The following MIA3 variants were observed in gnomAD, a reference collection of about 807,000 sequenced individuals.
MIA3 encodes MIA SH3 domain ER export factor 3, also known as transport and Golgi organization protein 1 homolog.
A neutral mutation model predicts 192.4 loss-of-function variants in MIA3; 90 were observed. That is an observed-to-expected ratio of 0.47 (90% CI 0.39 to 0.56). MIA3 has a LOEUF of 0.56. Ranked by LOEUF, MIA3 falls within the 20% of genes least tolerant of loss-of-function variation. MIA3 has a pLI of 0.00. For synonymous variants in MIA3, 740 were observed against 792.8 expected (o/e 0.93, Z 1.12); for missense variants, 2,123 against 2,269.4 (o/e 0.94, Z 1.31).
Position 222,632,208 on chromosome 1 carries a change from A to C in MIA3, c.3213A>C (p.Thr1071=). The change falls in exon 5 of 28, where the codon ACA becomes ACC. Residue 1071 remains threonine, a synonymous_variant. Coordinates refer to ENST00000344922, the MANE Select transcript of MIA3 (RefSeq NM_198551.4). ...AAGATAATTTCTCACGAGAGAAGAC[A>C]GCAGAACTTAATGTGCAGGTTCCTG... ...LHEDNFSREK[T]AELNVQVPEE... 2 of 1,614,202 alleles carry C rather than the reference A, an allele frequency of 1.2e-6. No individual in the cohort carries two copies. The highest frequency in any genetic ancestry group is 1.7e-6 in the Non-Finnish European group (2 of 1,180,022).
intron 18 of MIA3, among the ~76,000 whole-genome samples, chr1:222,657,310 A>C (rs1663784181): frequency 6.6e-6 from 1 of 152,176 alleles, no homozygotes; most frequent in Non-Finnish European, 1.5e-5. Context: ...GGCTTTTACT[A>C]GGGGTCCTTC....
intron 1 of MIA3, among the ~76,000 whole-genome samples, chr1:222,620,573 C>G (rs1024346477): frequency 1.1e-4 from 16 of 152,204 alleles, no homozygotes; most frequent in Admixed American, 9.8e-4. Flanking sequence ...TATCCAGACA[C>G]TGTACTAAGG....
chr1:222,658,656 G>A (rs1156811666), intron 18 of MIA3, 66 bp from the exon 19 acceptor site: 1 of 1,056,348 alleles, frequency 9.5e-7, no homozygotes, highest in Non-Finnish European at 1.4e-6. Context: ...GATTTTATTG[G>A]AGTATTCAGA....
rs541871532 is a variant in MIA3 at position 222,644,035 on chromosome 1, G to A, written c.3478-1519G>A. On this transcript the variant is annotated intron_variant, in intron 6 of 27. Coordinates refer to ENST00000344922, the MANE Select transcript of MIA3 (RefSeq NM_198551.4). Reference sequence around the variant, plus strand: ...GGAAGGGCCAGCTCCGGGCCGGCACGAGAGACCTGCTTTTCTCCTTTTCCC... The same window carrying A: ...GGAAGGGCCAGCTCCGGGCCGGCACAAGAGACCTGCTTTTCTCCTTTTCCC... 5.9e-5 allele frequency among the ~76,000 whole-genome samples: 9 copies of A among 152,336 alleles called. No homozygotes were observed. In the East Asian group the frequency reaches 1.7e-3, roughly 29 times the overall value.
chr1:222,641,825 G>A (rs1208779483), intron 6 of MIA3: 1 of 531,822 alleles, frequency 1.9e-6, no homozygotes, highest in Non-Finnish European at 3.8e-6. Context: ...AGCATTTCTA[G>A]CTGCGGCAGA....
chr1:222,660,269 C>T lies in MIA3; in HGVS notation c.5068C>T (p.Leu1690Phe). The T allele has an allele frequency of 6.2e-7, 1 of 1,613,990 alleles. No homozygotes were observed. Among genetic ancestry groups the T allele is most frequent in the South Asian group, 1.1e-5 (1 of 91,064 alleles). ...GACAGTGGAGCCACCCGTGAGACCT[C>T]TCTCTGCTACTCTCAATCGAAGAGA... ...PLTVEPPVRPLSATLNRRDMP... is the reference protein window; with the variant it reads ...PLTVEPPVRPFSATLNRRDMP... The change falls in exon 24 of 28, where the codon CTC becomes TTC. Residue 1690 changes from leucine (L) to phenylalanine (F), a missense_variant. Leu to Phe is a conservative substitution (Grantham distance 22, BLOSUM62 0). Transcript: ENST00000344922.
intron 6 of MIA3, among the ~76,000 whole-genome samples, chr1:222,643,761 TC>T (rs544553515): frequency 7.3e-4 from 111 of 151,634 alleles, no homozygotes; most frequent in African/African-American, 2.6e-3. Context: ...GGAGACTCCC[TC>T]CCCTTCCCCG....
rs978542294 is a variant in MIA3 at position 222,665,883 on chromosome 1, A to G, written c.*264A>G. 1.5e-5 allele frequency: 5 copies of G among 323,080 alleles called. No homozygotes were observed. Among genetic ancestry groups the G allele is most frequent in the East Asian group, 5.0e-5 (1 of 19,822 alleles). The allele number at this position is 323,080 out of a possible 1,614,324, so 20.0% of individuals were successfully genotyped here. On this transcript the variant is annotated 3_prime_UTR_variant, in exon 28 of 28. Coordinates refer to ENST00000344922, the MANE Select transcript of MIA3 (RefSeq NM_198551.4). ...ATACCTGTGTTTTAGCTAATGTAGC[A>G]TATGTAATTGCAAAATGATTTAGAA...
intron 4 of MIA3, 79 bp from the exon 5 acceptor site, chr1:222,632,086 C>G: frequency 7.4e-7 from 1 of 1,356,146 alleles, no homozygotes; most frequent in Non-Finnish European, 1.0e-6. Context: ...TGTTGAGGTG[C>G]CCTGGTGTGG....
rs1664318249 is a variant in MIA3 at position 222,666,905 on chromosome 1, A to C, written c.*1286A>C. 6.6e-6 allele frequency: 1 copy of C among 151,960 alleles called. No individual in the cohort carries two copies. The highest frequency in any genetic ancestry group is 1.5e-5 in the Non-Finnish European group (1 of 67,976). The allele number at this position is 151,960 out of a possible 1,614,324, so 9.4% of individuals were successfully genotyped here. ...TTCAGACATTTTAATTACAGTAATA[A>C]TAGCACTCCTTTTAAGGAGTTTCAG... On this transcript the variant is annotated 3_prime_UTR_variant, in exon 28 of 28. Coordinates refer to ENST00000344922, the MANE Select transcript of MIA3 (RefSeq NM_198551.4).
At chr1:222,644,912 G>A (rs530591584) in intron 6 of MIA3, among the ~76,000 whole-genome samples, 2 of 152,264 alleles carry the variant, frequency 1.3e-5, no homozygotes, top group African/African-American at 4.8e-5. Flanking sequence ...CAGTGTGATA[G>A]TGTACTTGTA....
rs760691540 is a variant in MIA3, at chr1:222,654,454, C to G, written c.4443C>G (p.Ser1481=). 1 of 1,613,358 alleles carries G rather than the reference C, an allele frequency of 6.2e-7. No individual in the cohort carries two copies. ...TTTTACAGCTTAAGCTAAGAGCCTC[C>G]GTGTCCACTAAATGTAACCTGGAAG... is the stretch of plus-strand genomic sequence containing the variant. ...LKLLQLKLRA[S]VSTKCNLEDQ... Residue 1481 remains serine, a synonymous_variant, in exon 17 of 28, where the codon TCC becomes TCG. Coordinates refer to ENST00000344922, the MANE Select transcript of MIA3 (RefSeq NM_198551.4).
intron 6 of MIA3, among the ~76,000 whole-genome samples, chr1:222,637,684 ATTT>A (rs112135138): frequency 1.4e-4 from 11 of 76,380 alleles, no homozygotes; most frequent in Admixed American, 4.8e-4. Context: ...ATCAAGAATA[ATTT>A]TTTTTTTTTT....
intron 7 of MIA3, among the ~76,000 whole-genome samples, chr1:222,648,465 A>T (rs1039020704): frequency 2.0e-5 from 3 of 152,202 alleles, no homozygotes; most frequent in Non-Finnish European, 4.4e-5. Context: ...TTGTCAAATA[A>T]GTGACTTTGA....
rs1662427470 is a variant in MIA3 at position 222,632,202 on chromosome 1, G to C, written c.3207G>C (p.Glu1069Asp). The stretch of plus-strand genomic sequence containing the variant: ...TGCATGAAGATAATTTCTCACGAGA[G>C]AAGACAGCAGAACTTAATGTGCAGG... ...QPLHEDNFSR[E>D]KTAELNVQVP... The change falls in exon 5 of 28, where the codon GAG becomes GAC. Residue 1069 changes from glutamate to aspartate, a missense_variant. Physicochemically the swap from Glu to Asp is conservative, Grantham distance 45 (BLOSUM62 2). Transcript: ENST00000344922. The C allele has an allele frequency of 6.2e-7, 1 of 1,614,168 alleles. No individual in the cohort carries two copies. The highest frequency in any genetic ancestry group is 8.5e-7 in the Non-Finnish European group (1 of 1,180,024).
Position 222,667,918 on chromosome 1 carries a change from C to G in MIA3, c.*2299C>G, listed in dbSNP as rs576323269. On this transcript the variant is annotated 3_prime_UTR_variant, in exon 28 of 28. Transcript: ENST00000344922. The stretch of plus-strand genomic sequence containing the variant: ...CATTGGAAAGTAAATTTAAGTAATT[C>G]GTGGGATGTGGTATATTCTGTGTCA... 6.6e-6 allele frequency: 1 copy of G among 152,026 alleles called. No homozygotes were observed. The highest frequency in any genetic ancestry group is 1.5e-5 in the Non-Finnish European group (1 of 68,006). 9.4% of individuals were successfully genotyped at this position (152,026 alleles called of 1,614,324 possible).
At chr1:222,636,461 A>G (rs1662627649) in intron 6 of MIA3, among the ~76,000 whole-genome samples, 1 of 144,016 alleles carries the variant, frequency 6.9e-6, no homozygotes, top group Non-Finnish European at 1.5e-5. Flanking sequence ...TGAAGGAGAG[A>G]CCTCCTTGCA....
chr1:222,643,398 T>C (rs1662951412), intron 6 of MIA3, among the ~76,000 whole-genome samples: 2 of 152,170 alleles, frequency 1.3e-5, no homozygotes, highest in Admixed American at 1.3e-4. Flanking sequence ...GCCAGTACCA[T>C]ACTGTTATTA....
chr1:222,648,675 CT>C (rs1363700782), intron 7 of MIA3, among the ~76,000 whole-genome samples, 153 bp from the exon 8 acceptor site: 1 of 152,018 alleles, frequency 6.6e-6, no homozygotes, highest in African/African-American at 2.4e-5. Flanking sequence ...GCTTTTTAAC[CT>C]TTTTAAGTTT....
Sources: gnomAD v4.1 joint callset for allele counts (sites outside exome capture counted in the v4.1 genomes callset) on GRCh38, gnomAD v4.1.1 for gene constraint, MANE v1.5 for transcripts, NCBI Gene and HGNC (gene_info 2026-07-23, HGNC 2026-07-21) for gene names.